CEP78: variants seen among roughly 807,000 people sequenced by gnomAD.
CEP78 encodes centrosomal protein of 78 kDa.
Under a neutral mutation model 81.2 loss-of-function variants are expected in CEP78, and 76 were observed. That is an observed-to-expected ratio of 0.94 (90% confidence interval 0.78 to 1.13). The LOEUF (loss-of-function observed/expected upper bound fraction) is 1.13. Ranked by LOEUF, CEP78 falls within the 50% of genes most tolerant of loss-of-function variation. The pLI is 0.00. For missense variants in CEP78, 918 were observed against 846.8 expected (o/e 1.08, Z -1.04); for synonymous variants, 293 against 301.4 (o/e 0.97, Z 0.29).
intron 3 of CEP78, among the ~76,000 whole-genome samples, chr9:78,241,073 AGCATATAAAAGGCT>A (rs576321531): frequency 5.3e-5 from 8 of 152,310 alleles, no homozygotes; most frequent in Admixed American, 5.2e-4. Context: ...GCTGTATAGG[AGCATATAAAAGGCT>A]GACAGACTTG....
At position 78,278,299 on chromosome 9, in the gene CEP78, A is replaced by C. The variant is rs1196538449; in HGVS notation, c.*7448A>C. ...TGACCTATTATCAATGTGAATGAAAATGAGCTTTGCTACATAACCTCTTTT... is the reference window on the plus strand; with the variant it reads ...TGACCTATTATCAATGTGAATGAAACTGAGCTTTGCTACATAACCTCTTTT... On this transcript the variant is annotated 3_prime_UTR_variant, in exon 17 of 17. Coordinates refer to ENST00000643273, the MANE Select transcript of CEP78 (RefSeq NM_001330691.3). 2 of 152,180 alleles carry C rather than the reference A, an allele frequency of 1.3e-5. No individual in the cohort carries two copies. The highest frequency in any genetic ancestry group is 2.4e-5 in the African/African-American group (1 of 41,426). The allele number at this position is 152,180 out of a possible 1,614,324, so 9.4% of individuals were successfully genotyped here.
intron 11 of CEP78, among the ~76,000 whole-genome samples, chr9:78,262,093 T>C (rs1827301426): frequency 6.6e-6 from 1 of 152,180 alleles, no homozygotes; most frequent in South Asian, 2.1e-4. Flanking sequence ...AGAATCTTAC[T>C]TAGCTTATGG....
intron 12 of CEP78, 139 bp from the exon 13 acceptor site, chr9:78,264,011 T>C: frequency 2.1e-6 from 1 of 480,728 alleles, no homozygotes; most frequent in Non-Finnish European, 3.4e-6. Context: ...TTATTTAATA[T>C]GGTCTGTCTT....
intron 11 of CEP78, among the ~76,000 whole-genome samples, chr9:78,261,538 G>C (rs1382578904): frequency 6.6e-6 from 1 of 152,132 alleles, no homozygotes; most frequent in African/African-American, 2.4e-5. Context: ...TAAGGAGCAT[G>C]AATTACTCTT....
chr9:78,253,046 G>A (rs1013183614), intron 9 of CEP78, among the ~76,000 whole-genome samples, 186 bp from the exon 10 acceptor site: 4 of 152,128 alleles, frequency 2.6e-5, no homozygotes, highest in Admixed American at 6.6e-5. Context: ...TTATCCCAAA[G>A]CCGTTCTGCT....
intron 11 of CEP78, among the ~76,000 whole-genome samples, chr9:78,260,464 T>C (rs2118415822): frequency 6.6e-6 from 1 of 152,200 alleles, no homozygotes; most frequent in South Asian, 2.1e-4. Context: ...TCCCAGCACT[T>C]TGGGAGGCCA....
At chr9:78,246,225 C>T (rs77772506) in intron 5 of CEP78, among the ~76,000 whole-genome samples, 14,279 of 151,992 alleles carry the variant, frequency 0.094, 772 homozygotes, top group African/African-American at 0.14. Context: ...TTTCAATACC[C>T]AAGATTAAAA....
At chr9:78,251,567 A>G (rs1212334957) in intron 8 of CEP78, among the ~76,000 whole-genome samples, 1 of 152,132 alleles carries the variant, frequency 6.6e-6, no homozygotes, top group East Asian at 1.9e-4. Flanking sequence ...TGTATCACGT[A>G]TAATCTTTCA....
intron 11 of CEP78, among the ~76,000 whole-genome samples, chr9:78,261,096 G>A (rs1224084710): frequency 2.0e-5 from 3 of 151,948 alleles, no homozygotes; most frequent in Admixed American, 2.0e-4. Context: ...GATTACAGGT[G>A]CGCACCACCA....
Position 78,264,242 on chromosome 9 carries a change from TGAA to T in CEP78, c.1553_1555del (p.Glu518del). The stretch of plus-strand genomic sequence containing the variant: ...CATTGACAAATATGATCCTGGATGA[TGAA>T]GGTGTTTTGGGCAGCATTGAGAATT... On this transcript the variant is annotated inframe_deletion, in exon 13 of 17. Transcript: ENST00000643273. 1 of 1,611,902 alleles carries T rather than the reference TGAA, an allele frequency of 6.2e-7. No individual in the cohort carries two copies. The highest frequency in any genetic ancestry group is 1.1e-5 in the South Asian group (1 of 90,928).
chr9:78,259,507 A>G (rs572804651), intron 11 of CEP78, among the ~76,000 whole-genome samples: 3 of 152,320 alleles, frequency 2.0e-5, no homozygotes, highest in African/African-American at 7.2e-5. Context: ...TGCTTAAAGA[A>G]ATGGTTGCCT....
chr9:78,251,802 A>G, intron 8 of CEP78, 106 bp from the exon 9 acceptor site: 3 of 880,938 alleles, frequency 3.4e-6, no homozygotes, highest in Non-Finnish European at 4.9e-6. Flanking sequence ...ACTTGGTGTC[A>G]TTGTCAGGTG....
intron 8 of CEP78, 40 bp from the exon 9 acceptor site, chr9:78,251,868 A>G (rs748000608): frequency 3.8e-6 from 6 of 1,573,902 alleles, no homozygotes. Context: ...GTAGACCTTT[A>G]GTGCATCTTG....
chr9:78,243,205 T>G (rs1371242710), intron 4 of CEP78, among the ~76,000 whole-genome samples: 1 of 152,184 alleles, frequency 6.6e-6, no homozygotes, highest in Non-Finnish European at 1.5e-5. Flanking sequence ...TTAACTAAGT[T>G]GTCAGTTTAC....
intron 11 of CEP78, among the ~76,000 whole-genome samples, chr9:78,259,830 T>C (rs1480632911): frequency 2.0e-5 from 3 of 152,218 alleles, no homozygotes; most frequent in African/African-American, 7.2e-5. Flanking sequence ...AAGAGAAATT[T>C]AAGTACTAAT....
chr9:78,239,947 C>T (rs1382074841), intron 1 of CEP78, 76 bp from the exon 2 acceptor site: 4 of 1,276,756 alleles, frequency 3.1e-6, no homozygotes, highest in Non-Finnish European at 4.3e-6. Flanking sequence ...ATTTCTATGT[C>T]TTAGCACAGA....
rs572216544 is a variant in CEP78, at chr9:78,271,745, G to C, written c.*894G>C. 3.3e-5 allele frequency: 5 copies of C among 151,256 alleles called. No homozygotes were observed. Among genetic ancestry groups the C allele is most frequent in the Non-Finnish European group, 7.4e-5 (5 of 67,862 alleles). 9.4% of individuals were successfully genotyped at this position (151,256 alleles called of 1,614,324 possible). A position where few individuals can be genotyped will look rare whatever the true frequency, so the allele number is the denominator to read the frequency against. Reference sequence around the variant, plus strand: ...GTCAAGGTCTCACTCATGTCACCCAGGCTGGGGTGTAGTGATGGGATCACA... The same window carrying C: ...GTCAAGGTCTCACTCATGTCACCCACGCTGGGGTGTAGTGATGGGATCACA... On this transcript the variant is annotated 3_prime_UTR_variant, in exon 17 of 17. Transcript: ENST00000643273.
chr9:78,240,954 C>G (rs1447691209), intron 3 of CEP78, among the ~76,000 whole-genome samples: 1 of 151,032 alleles, frequency 6.6e-6, no homozygotes, highest in Non-Finnish European at 1.5e-5. Flanking sequence ...TAGAGCAAGA[C>G]TCCGTCTCAA....
intron 16 of CEP78, among the ~76,000 whole-genome samples, chr9:78,268,250 G>A (rs1313743846): frequency 1.6e-4 from 25 of 152,076 alleles, no homozygotes; most frequent in Non-Finnish European, 2.9e-5. Context: ...AGGATACTCA[G>A]GGCAGAGGGA....
Sources: gnomAD v4.1 joint callset for allele counts (sites outside exome capture counted in the v4.1 genomes callset) on GRCh38, gnomAD v4.1.1 for gene constraint, MANE v1.5 for transcripts, NCBI Gene and HGNC (gene_info 2026-07-23, HGNC 2026-07-21) for gene names.